DMD: variants seen among roughly 807,000 people sequenced by gnomAD.
DMD encodes the protein mutant dystrophin.
In DMD, 63 loss-of-function variants were observed where a neutral mutation model predicts 330.1. The ratio of observed to expected loss-of-function variants is 0.19; its 90% CI spans 0.16 to 0.24. The LOEUF is 0.24. Among genes scored for constraint, DMD ranks in the 10% least tolerant of loss-of-function variants. DMD has a pLI of 1.00. For synonymous variants in DMD, 1,223 were observed against 959.8 expected (o/e 1.27, Z -5.07); for missense variants, 3,344 against 2,684.1 (o/e 1.25, Z -5.43).
chrX:32,713,194 T>G (rs1306877500), intron 7 of DMD, among the ~76,000 whole-genome samples: 1 of 112,064 alleles, frequency 8.9e-6, no homozygotes, highest in East Asian at 2.8e-4. Context: ...TTTAAACAAA[T>G]TTTAGAATTA....
At chrX:32,071,144 C>T (rs1027729588) in intron 44 of DMD, among the ~76,000 whole-genome samples, 1 of 110,826 alleles carries the variant, frequency 9.0e-6, no homozygotes. Flanking sequence ...TGTGTCTTTA[C>T]AGCAGCATGA....
chrX:32,063,135 A>G (rs944513432), intron 44 of DMD, among the ~76,000 whole-genome samples: 1 of 109,524 alleles, frequency 9.1e-6, no homozygotes, highest in Non-Finnish European at 1.9e-5. Flanking sequence ...CACATGTTAT[A>G]CTTTTCCATT....
intron 9 of DMD, among the ~76,000 whole-genome samples, chrX:32,666,882 T>C (rs993020235): frequency 1.5e-4 from 16 of 107,586 alleles, no homozygotes; most frequent in Non-Finnish European, 7.7e-5. Flanking sequence ...GGCAAGGAAT[T>C]CAAAACCACC....
intron 12 of DMD, among the ~76,000 whole-genome samples, chrX:32,604,162 CT>C (rs1331751746): frequency 3.6e-5 from 4 of 110,290 alleles, no homozygotes; most frequent in Non-Finnish European, 7.6e-5. Context: ...ATAACGTGAG[CT>C]TTATGCCAGG....
chrX:32,047,028 T>C (rs570283204), intron 44 of DMD, among the ~76,000 whole-genome samples: 1 of 111,736 alleles, frequency 8.9e-6, no homozygotes, highest in South Asian at 3.7e-4. Flanking sequence ...AGAGTTTATA[T>C]ATTTGTAAGA....
intron 41 of DMD, among the ~76,000 whole-genome samples, chrX:32,334,514 A>G (rs765748694): frequency 1.8e-5 from 2 of 111,840 alleles, no homozygotes; most frequent in African/African-American, 6.5e-5. Context: ...AGACAATATA[A>G]AAAATGTGTA....
chrX:32,646,024 A>C (rs987458538), intron 9 of DMD, among the ~76,000 whole-genome samples: 1 of 111,768 alleles, frequency 8.9e-6, no homozygotes, highest in Non-Finnish European at 1.9e-5. Context: ...AAGGAGGTCG[A>C]TTAGAAAAAT....
At chrX:33,276,322 T>TTAA (rs2053234728) in intron 1 of DMD, among the ~76,000 whole-genome samples, 1 of 111,214 alleles carries the variant, frequency 9.0e-6, no homozygotes, top group Non-Finnish European at 1.9e-5. Context: ...TTTTTAATTA[T>TTAA]TTCATTTTTT....
intron 2 of DMD, among the ~76,000 whole-genome samples, chrX:32,899,895 A>C (rs1245793326): frequency 9.0e-6 from 1 of 111,281 alleles, no homozygotes; most frequent in Non-Finnish European, 1.9e-5. Context: ...TGAAACTCAC[A>C]ATTCAGTTGA....
At chrX:31,340,656 A>ATTAG (rs746683452) in intron 61 of DMD, among the ~76,000 whole-genome samples, 1 of 112,439 alleles carries the variant, frequency 8.9e-6, no homozygotes, top group South Asian at 3.7e-4. Flanking sequence ...TATGAATGCT[A>ATTAG]TTAGTCTTTG....
chrX:31,171,960 C>T (rs772712556), intron 73 of DMD, among the ~76,000 whole-genome samples: 1 of 111,834 alleles, frequency 8.9e-6, no homozygotes, highest in East Asian at 2.8e-4. Flanking sequence ...ATCACGTTTC[C>T]ACTCCCCATG....
At chrX:32,527,777 T>C (rs1265267451) in intron 17 of DMD, among the ~76,000 whole-genome samples, 1 of 111,146 alleles carries the variant, frequency 9.0e-6, no homozygotes, top group African/African-American at 3.3e-5. Flanking sequence ...GAAATCCTAT[T>C]TAACCAAAAG....
intron 70 of DMD, chrX:31,178,378 G>A: frequency 1.1e-6 from 1 of 950,306 alleles, no homozygotes; most frequent in East Asian, 4.5e-5. Flanking sequence ...TTTGTAAACA[G>A]TCCCATATTT....
chrX:32,791,457 G>T lies in DMD; in HGVS notation c.649+18036C>A, dbSNP rs768636413. Among the ~76,000 whole-genome samples the T allele has an allele frequency of 6.3e-5, 7 of 111,923 alleles. No individual in the cohort carries two copies. In the East Asian group the frequency reaches 2.0e-3, roughly 32 times the overall value. ...TGGGGCCTGAAGACTGGACCACTTG[G>T]TGTCCCAGTCACCGGCAAAACTTCA... On this transcript the variant is annotated intron_variant, in intron 7 of 78. Transcript: ENST00000357033.
At chrX:32,072,028 A>G (rs918067531) in intron 44 of DMD, among the ~76,000 whole-genome samples, 1 of 112,163 alleles carries the variant, frequency 8.9e-6, no homozygotes, top group African/African-American at 3.2e-5. Context: ...TCCATGAGAT[A>G]AATCTTATTG....
At chrX:32,878,473 A>G (rs2083567159) in intron 2 of DMD, among the ~76,000 whole-genome samples, 1 of 112,096 alleles carries the variant, frequency 8.9e-6, no homozygotes, top group Non-Finnish European at 1.9e-5. Flanking sequence ...GGTTTTGATT[A>G]CCATTATAAT....
intron 55 of DMD, among the ~76,000 whole-genome samples, chrX:31,598,544 A>G (rs755001915): frequency 8.9e-6 from 1 of 111,992 alleles, no homozygotes; most frequent in South Asian, 3.8e-4. Flanking sequence ...ACCTAGTTAA[A>G]CAGGAAATAA....
intron 2 of DMD, among the ~76,000 whole-genome samples, chrX:33,004,697 T>C (rs1347864222): frequency 9.0e-6 from 1 of 111,301 alleles, no homozygotes; most frequent in African/African-American, 3.3e-5. Context: ...TGGAATGCCT[T>C]TAATTTACAC....
rs371742357 is a variant in DMD at position 32,565,784 on chromosome X, G to A, written c.1910C>T (p.Thr637Ile). 15 of 1,209,196 alleles carry A rather than the reference G, an allele frequency of 1.2e-5. No homozygotes were observed. The highest frequency in any genetic ancestry group is 2.2e-5 in the Admixed American group (1 of 45,686). The stretch of plus-strand genomic sequence containing the variant: ...ATCCAGCCATGCTTCCGTCTTCTGG[G>A]TCACTGACTTATTCTTCAGTGTTGA... ...LLSTLKNKSV[T>I]QKTEAWLDNF... The change falls in exon 16 of 79, where the codon ACC becomes ATC. Residue 637 changes from threonine to isoleucine, a missense_variant. Thr to Ile is a moderately conservative substitution (Grantham distance 89, BLOSUM62 -1). Coordinates refer to ENST00000357033, the MANE Select transcript of DMD (RefSeq NM_004006.3).
Sources: gnomAD v4.1 joint callset for allele counts (sites outside exome capture counted in the v4.1 genomes callset) on GRCh38, gnomAD v4.1.1 for gene constraint, MANE v1.5 for transcripts, NCBI Gene and HGNC (gene_info 2026-07-23, HGNC 2026-07-21) for gene names.